The following MAP7 variants were observed in gnomAD, a reference collection of about 807,000 sequenced individuals.
The protein encoded by MAP7 is microtubule associated protein 7, also known as ensconsin.
MAP7 carries 52 observed loss-of-function variants against 94.8 expected under a neutral mutation model. The ratio of observed to expected loss-of-function variants is 0.55; its 90% CI spans 0.44 to 0.69. The LOEUF (loss-of-function observed/expected upper bound fraction) is 0.69, where lower values mean the gene tolerates loss of function less well. MAP7 is among the 30% of genes least tolerant of loss of function. The pLI is 0.00. For synonymous variants in MAP7, 350 were observed against 357.0 expected (o/e 0.98, Z 0.22); for missense variants, 940 against 964.6 (o/e 0.97, Z 0.34).
chr6:136,482,396 C>T (rs534805723), intron 1 of MAP7, among the ~76,000 whole-genome samples: 19 of 151,812 alleles, frequency 1.3e-4, no homozygotes, highest in South Asian at 8.3e-4. Context: ...GTCAGGAGTT[C>T]GAGACCAGCC....
chr6:136,352,398 A>G (rs1220895012), intron 16 of MAP7, among the ~76,000 whole-genome samples: 2 of 152,194 alleles, frequency 1.3e-5, no homozygotes, highest in Non-Finnish European at 2.9e-5. Context: ...CATGTTACTC[A>G]GGCTGGTCTC....
intron 16 of MAP7, among the ~76,000 whole-genome samples, chr6:136,347,811 C>CT (rs1409475041): frequency 1.3e-5 from 2 of 152,154 alleles, no homozygotes; most frequent in Non-Finnish European, 2.9e-5. Context: ...TTAAACCTTC[C>CT]TTTTTTACGG....
intron 6 of MAP7, among the ~76,000 whole-genome samples, chr6:136,379,915 C>G (rs1040642206): frequency 2.0e-5 from 3 of 152,194 alleles, no homozygotes; most frequent in African/African-American, 7.2e-5. Flanking sequence ...ACATTCATAA[C>G]TATGCCTTGA....
At chr6:136,348,016 C>T (rs967239176) in intron 16 of MAP7, among the ~76,000 whole-genome samples, 2 of 144,054 alleles carry the variant, frequency 1.4e-5, no homozygotes, top group African/African-American at 2.5e-5. Context: ...CACATGCCCC[C>T]CCCCCCAAGT....
intron 5 of MAP7, among the ~76,000 whole-genome samples, chr6:136,387,153 A>G (rs901141363): frequency 6.6e-6 from 1 of 152,214 alleles, no homozygotes; most frequent in Non-Finnish European, 1.5e-5. Flanking sequence ...AGAGATCTAT[A>G]GAATGTTAAC....
At chr6:136,510,808 T>C (rs370357244) in intron 1 of MAP7, among the ~76,000 whole-genome samples, 6 of 152,178 alleles carry the variant, frequency 3.9e-5, no homozygotes, top group Admixed American at 2.0e-4. Flanking sequence ...AAACATAGTA[T>C]ATACATATAG....
At chr6:136,503,870 G>A (rs1820565697) in intron 1 of MAP7, among the ~76,000 whole-genome samples, 2 of 152,080 alleles carry the variant, frequency 1.3e-5, no homozygotes, top group Admixed American at 1.3e-4. Flanking sequence ...CCACTTCTAG[G>A]AATATATATT....
chr6:136,464,993 T>C (rs558945353), intron 1 of MAP7, among the ~76,000 whole-genome samples: 1 of 152,372 alleles, frequency 6.6e-6, no homozygotes. Context: ...TGTACCATGC[T>C]GTTCATTATT....
chr6:136,485,327 T>G lies in MAP7; in HGVS notation c.68-63528A>C, dbSNP rs116433225. ...ATGTCATTACATTATGTTTATTAGT[T>G]TTATTATTGCAGGATTGTCTTTAAA... On this transcript the variant is annotated intron_variant, in intron 1 of 17. Coordinates refer to ENST00000354570, the MANE Select transcript of MAP7 (RefSeq NM_003980.6). Among the ~76,000 whole-genome samples the G allele has an allele frequency of 5.6e-3, 855 of 152,292 alleles. 4 individuals carry two copies. The highest frequency in any genetic ancestry group is 0.039 in the East Asian group (200 of 5,184).
chr6:136,411,809 T>A, intron 2 of MAP7, 112 bp from the exon 3 acceptor site: 1 of 817,026 alleles, frequency 1.2e-6, no homozygotes, highest in Non-Finnish European at 1.9e-6. Flanking sequence ...AATATATTGC[T>A]GCACTTTACA....
rs552629811 is a variant in MAP7 at position 136,473,197 on chromosome 6, C to T, written c.68-51398G>A. Among the ~76,000 whole-genome samples, 242 of 152,302 alleles carry T rather than the reference C, an allele frequency of 1.6e-3. 1 individual carries two copies. Among genetic ancestry groups the T allele is most frequent in the African/African-American group, 5.2e-3 (218 of 41,576 alleles). On this transcript the variant is annotated intron_variant, in intron 1 of 17. Coordinates refer to ENST00000354570, the MANE Select transcript of MAP7 (RefSeq NM_003980.6). ...CTCAATTCTCCCAAACAGAAGTGCTCGTCTTCTCTCTATAGAAACCAAAAA... is the reference window on the plus strand; with the variant it reads ...CTCAATTCTCCCAAACAGAAGTGCTTGTCTTCTCTCTATAGAAACCAAAAA...
chr6:136,379,956 A>G (rs1252977061), intron 6 of MAP7, among the ~76,000 whole-genome samples: 1 of 152,154 alleles, frequency 6.6e-6, no homozygotes, highest in Non-Finnish European at 1.5e-5. Flanking sequence ...CCGTAAGATA[A>G]CTTTTTAGTA....
chr6:136,499,254 A>G (rs567474687), intron 1 of MAP7, among the ~76,000 whole-genome samples: 4 of 152,096 alleles, frequency 2.6e-5, no homozygotes, highest in Non-Finnish European at 5.9e-5. Flanking sequence ...TCTTTGGGCT[A>G]GCAGCCCTGA....
intron 1 of MAP7, among the ~76,000 whole-genome samples, chr6:136,453,189 C>T (rs1284325164): frequency 1.3e-5 from 2 of 152,108 alleles, no homozygotes; most frequent in Non-Finnish European, 2.9e-5. Flanking sequence ...GTTATGTTTT[C>T]CCCCATGCTA....
At chr6:136,393,157 T>G (rs1372149087) in intron 3 of MAP7, among the ~76,000 whole-genome samples, 1 of 152,142 alleles carries the variant, frequency 6.6e-6, no homozygotes, top group Non-Finnish European at 1.5e-5. Context: ...ATATCCTTAT[T>G]TGGCCTTCCT....
At chr6:136,414,033 A>G (rs1355987609) in intron 2 of MAP7, among the ~76,000 whole-genome samples, 1 of 151,710 alleles carries the variant, frequency 6.6e-6, no homozygotes, top group Non-Finnish European at 1.5e-5. Flanking sequence ...GCGGATCACG[A>G]GGTCAGGAGA....
chr6:136,395,166 A>G (rs1032252791), intron 3 of MAP7, among the ~76,000 whole-genome samples: 8 of 151,178 alleles, frequency 5.3e-5, no homozygotes, highest in Admixed American at 4.0e-4. Context: ...TAGCGGCTAC[A>G]CTAATTTACA....
chr6:136,350,792 A>T (rs1788959987), intron 16 of MAP7, among the ~76,000 whole-genome samples: 1 of 152,174 alleles, frequency 6.6e-6, no homozygotes, highest in African/African-American at 2.4e-5. Flanking sequence ...CAGGAGGTAG[A>T]GGCTGCAGTG....
intron 1 of MAP7, among the ~76,000 whole-genome samples, chr6:136,460,798 A>G (rs529570991): frequency 3.9e-5 from 6 of 152,144 alleles, no homozygotes; most frequent in African/African-American, 1.2e-4. Context: ...GGTGCATCTG[A>G]AGATTTTTTT....
Sources: gnomAD v4.1 joint callset for allele counts (sites outside exome capture counted in the v4.1 genomes callset) on GRCh38, gnomAD v4.1.1 for gene constraint, MANE v1.5 for transcripts, NCBI Gene and HGNC (gene_info 2026-07-23, HGNC 2026-07-21) for gene names.